Variants in PPP2R3A observed in about 807,000 individuals in gnomAD.
PPP2R3A encodes protein phosphatase 2 regulatory subunit B''alpha.
In PPP2R3A, 80 loss-of-function variants were observed where a neutral mutation model predicts 106.9. The ratio of observed to expected loss-of-function variants is 0.75; its 90% confidence interval spans 0.62 to 0.90. PPP2R3A has a LOEUF of 0.90. Ranked by LOEUF, PPP2R3A falls within the 40% of genes least tolerant of loss-of-function variation. The pLI is 0.00. For synonymous variants in PPP2R3A, 483 were observed against 468.3 expected (o/e 1.03, Z -0.41); for missense variants, 1,386 against 1,350.4 (o/e 1.03, Z -0.41).
chr3:136,027,211 T>G, intron 3 of PPP2R3A, 113 bp downstream of exon 3: 2 of 962,708 alleles, frequency 2.1e-6, no homozygotes, highest in Non-Finnish European at 1.5e-6. Context: ...TGCTCTGTTT[T>G]TAAGCATGCA....
intron 1 of PPP2R3A, among the ~76,000 whole-genome samples, chr3:135,984,309 G>C (rs1279273957): frequency 6.6e-6 from 1 of 152,134 alleles, no homozygotes; most frequent in Non-Finnish European, 1.5e-5. Context: ...TCAAATCACA[G>C]TTCTACTTTC....
intron 12 of PPP2R3A, among the ~76,000 whole-genome samples, chr3:136,104,682 T>A (rs1937471093): frequency 2.0e-5 from 3 of 152,316 alleles, no homozygotes; most frequent in Admixed American, 2.0e-4. Flanking sequence ...TGCAATTTTA[T>A]AAATGTTAGA....
chr3:136,029,517 A>G (rs533692436), intron 3 of PPP2R3A, among the ~76,000 whole-genome samples: 1 of 152,202 alleles, frequency 6.6e-6, no homozygotes, highest in Non-Finnish European at 1.5e-5. Context: ...TAGTCAAGGC[A>G]GGATAGAGGT....
chr3:136,087,640 T>C (rs1936988084), intron 8 of PPP2R3A: 1 of 354,326 alleles, frequency 2.8e-6, no homozygotes, highest in African/African-American at 2.1e-5. Flanking sequence ...GCTGTCAGGA[T>C]GTTCAGACCT....
At chr3:136,136,084 A>G (rs1938613411) in intron 13 of PPP2R3A, among the ~76,000 whole-genome samples, 1 of 65,816 alleles carries the variant, frequency 1.5e-5, no homozygotes, top group African/African-American at 3.5e-5. Flanking sequence ...TTATATATAT[A>G]TATATATATA....
At chr3:136,054,771 G>A (rs891035320) in intron 5 of PPP2R3A, among the ~76,000 whole-genome samples, 1 of 152,160 alleles carries the variant, frequency 6.6e-6, no homozygotes, top group Non-Finnish European at 1.5e-5. Context: ...ACAGTCTTAG[G>A]TAAATGGTAA....
intron 6 of PPP2R3A, among the ~76,000 whole-genome samples, chr3:136,075,190 T>C (rs1936555682): frequency 6.6e-6 from 1 of 152,218 alleles, no homozygotes; most frequent in Non-Finnish European, 1.5e-5. Context: ...GGAAACTGAC[T>C]TACAATTTAA....
At chr3:136,000,879 T>C (rs2107786956) in intron 1 of PPP2R3A, among the ~76,000 whole-genome samples, 180 bp from the exon 2 acceptor site, 1 of 152,284 alleles carries the variant, frequency 6.6e-6, no homozygotes, top group Non-Finnish European at 1.5e-5. Context: ...GAGGTAATAT[T>C]ACTCTAGGCA....
chr3:136,051,156 C>T (rs966325899), intron 5 of PPP2R3A, among the ~76,000 whole-genome samples: 2 of 152,198 alleles, frequency 1.3e-5, no homozygotes, highest in Non-Finnish European at 2.9e-5. Flanking sequence ...CTAAGCAGAT[C>T]ACAAATTCTT....
chr3:136,129,688 G>A (rs1271229816), intron 13 of PPP2R3A, among the ~76,000 whole-genome samples: 4 of 152,108 alleles, frequency 2.6e-5, no homozygotes, highest in Admixed American at 6.6e-5. Context: ...TCATCCTGAT[G>A]CCAAAGCCTA....
At chr3:136,114,113 G>A (rs1937648256) in intron 13 of PPP2R3A, among the ~76,000 whole-genome samples, 1 of 152,176 alleles carries the variant, frequency 6.6e-6, no homozygotes, top group South Asian at 2.1e-4. Flanking sequence ...AGCCCATGGA[G>A]GGTGACCCGA....
intron 5 of PPP2R3A, chr3:136,055,783 G>T: frequency 1.7e-6 from 1 of 596,218 alleles, no homozygotes; most frequent in Non-Finnish European, 3.0e-6. Context: ...AAAACAAATT[G>T]CACATACTGA....
chr3:136,010,642 G>A (rs1934035029), intron 2 of PPP2R3A, among the ~76,000 whole-genome samples: 1 of 152,002 alleles, frequency 6.6e-6, no homozygotes, highest in South Asian at 2.1e-4. Flanking sequence ...TGGTCAGGCT[G>A]GTCTTGAACT....
At chr3:136,140,465 C>A (rs555072705) in intron 13 of PPP2R3A, among the ~76,000 whole-genome samples, 83 of 136,284 alleles carry the variant, frequency 6.1e-4, no homozygotes, top group Non-Finnish European at 1.1e-3. Context: ...AAAAAAAAAA[C>A]CCGGGCTCAG....
chr3:136,025,276 G>A (rs939289387), intron 2 of PPP2R3A, among the ~76,000 whole-genome samples: 1 of 152,012 alleles, frequency 6.6e-6, no homozygotes, highest in Non-Finnish European at 1.5e-5. Flanking sequence ...CCATTTTGAG[G>A]TCACAGAGTA....
chr3:136,093,112 A>G lies in PPP2R3A; in HGVS notation c.2927+2445A>G, dbSNP rs141392767. Among the ~76,000 whole-genome samples, 140 of 152,354 alleles carry G rather than the reference A, an allele frequency of 9.2e-4. 1 individual carries two copies. Among genetic ancestry groups the G allele is most frequent in the African/African-American group, 3.0e-3 (126 of 41,578 alleles). ...AAAGTCAATGAATTGGACTTCATCA[A>G]AATTTTAAATTTTTGGCTGGATGTG... On this transcript the variant is annotated intron_variant, in intron 10 of 13. Transcript: ENST00000264977.
intron 1 of PPP2R3A, among the ~76,000 whole-genome samples, chr3:135,972,779 T>C (rs1937285548): frequency 6.6e-6 from 1 of 152,220 alleles, no homozygotes; most frequent in Admixed American, 6.5e-5. Context: ...AAGTCTTTTA[T>C]CAATTTTTTA....
intron 4 of PPP2R3A, among the ~76,000 whole-genome samples, chr3:136,046,583 A>C (rs184419203): frequency 1.3e-5 from 2 of 152,334 alleles, no homozygotes; most frequent in African/African-American, 4.8e-5. Context: ...AAATAAAGTA[A>C]AAACAAAAAA....
At chr3:136,084,864 T>C (rs1478127411) in intron 8 of PPP2R3A, among the ~76,000 whole-genome samples, 1 of 152,262 alleles carries the variant, frequency 6.6e-6, no homozygotes, top group African/African-American at 2.4e-5. Context: ...GACTGATTTC[T>C]CCCATTTGGA....
Sources: allele counts gnomAD v4.1 joint callset (sites outside exome capture counted in the v4.1 genomes callset), GRCh38; gene constraint gnomAD v4.1.1; transcripts MANE v1.5; gene names NCBI Gene and HGNC (gene_info 2026-07-23, HGNC 2026-07-21).